The following MTF1 variants were observed in gnomAD, a reference collection of about 807,000 sequenced individuals.
MTF1 encodes MRE-binding transcription factor.
A neutral mutation model predicts 70.4 loss-of-function variants in MTF1; 22 were observed. The ratio of observed to expected loss-of-function variants is 0.31; its 90% CI spans 0.22 to 0.45. The LOEUF (loss-of-function observed/expected upper bound fraction) is 0.45, where lower values mean the gene tolerates loss of function less well. Among genes scored for constraint, MTF1 ranks in the 20% least tolerant of loss-of-function variants. The pLI, the probability that MTF1 is intolerant of heterozygous loss-of-function variation, is 1.00. For missense variants in MTF1, 649 were observed against 922.0 expected (o/e 0.70, Z 3.83); for synonymous variants, 333 against 352.8 (o/e 0.94, Z 0.63).
intron 6 of MTF1, among the ~76,000 whole-genome samples, chr1:37,834,476 T>C (rs901124967): frequency 6.6e-6 from 1 of 152,078 alleles, no homozygotes; most frequent in Non-Finnish European, 1.5e-5. Context: ...TTTTTAAAAA[T>C]CTATAAAATA....
rs757658413 is a variant in MTF1 at position 37,838,614 on chromosome 1, G to C, written c.779+11C>G. 1 of 1,608,700 alleles carries C rather than the reference G, an allele frequency of 6.2e-7. No individual in the cohort carries two copies. Among genetic ancestry groups the C allele is most frequent in the Non-Finnish European group, 8.5e-7 (1 of 1,176,574 alleles). On this transcript the variant is annotated intron_variant, in intron 4 of 10. Coordinates refer to ENST00000373036, the MANE Select transcript of MTF1 (RefSeq NM_005955.3). Reference sequence around the variant, plus strand: ...CCTGGTCAGTGACAAATAGAAAACAGTAAGACCTACCGAAATGGCTTTTCC... The same window carrying C: ...CCTGGTCAGTGACAAATAGAAAACACTAAGACCTACCGAAATGGCTTTTCC...
chr1:37,851,987 A>T (rs150825833), intron 2 of MTF1, among the ~76,000 whole-genome samples: 83 of 152,232 alleles, frequency 5.5e-4, no homozygotes, highest in African/African-American at 2.0e-3. Context: ...ATGATATGTG[A>T]ACAACTGCAC....
At chr1:37,823,920 A>G (rs1027039096) in intron 7 of MTF1, 108 bp from the exon 8 acceptor site, 4 of 782,706 alleles carry the variant, frequency 5.1e-6, no homozygotes, top group Non-Finnish European at 4.3e-6. Context: ...TTTGATATGC[A>G]TTTTGTTTCT....
intron 8 of MTF1, 125 bp from the exon 9 acceptor site, chr1:37,822,841 C>A: frequency 3.1e-6 from 2 of 648,260 alleles, no homozygotes; most frequent in Non-Finnish European, 5.2e-6. Flanking sequence ...TCATAGCTAG[C>A]AGGCCAGCTT....
rs1371544423 is a variant in MTF1, at chr1:37,822,124, T to C, written c.1764A>G (p.Gln588=). The change falls in exon 9 of 11, where the codon CAA becomes CAG. Residue 588 remains glutamine (Q), a synonymous_variant. Coordinates refer to ENST00000373036, the MANE Select transcript of MTF1 (RefSeq NM_005955.3). ...GATSSPQNQE[Q]IQQASKVEKV... is the part of the protein sequence containing the mutation. ...TATATTCATACATAATACTTACAAT[T>C]TGTTCTTGGTTTTGTGGAGAACTGG... 3.8e-6 allele frequency: 6 copies of C among 1,589,364 alleles called. 1 individual carries two copies. The South Asian group carries it at 4.6e-5, about 12-fold the overall frequency.
intron 7 of MTF1, among the ~76,000 whole-genome samples, chr1:37,826,353 C>G (rs943858009): frequency 6.6e-6 from 1 of 152,176 alleles, no homozygotes; most frequent in Admixed American, 6.5e-5. Flanking sequence ...GAGGCGCAGT[C>G]AAGTCACTGC....
In MTF1 at chr1:37,811,816, CCTT is replaced by C. The variant is rs1237434933; in HGVS notation, c.*3317_*3319del. 2 of 152,616 alleles carry C rather than the reference CCTT, an allele frequency of 1.3e-5. No individual in the cohort carries two copies. Among genetic ancestry groups the C allele is most frequent in the South Asian group, 2.1e-4 (1 of 4,834 alleles). The allele number at this position is 152,616 out of a possible 1,614,324, so 9.5% of individuals were successfully genotyped here. A position where few individuals can be genotyped will look rare whatever the true frequency, so the allele number is the denominator to read the frequency against. Reference sequence around the variant, plus strand: ...CCTCCTGGGCTTTGTACCATGATCTCCTTCTAAACGGAGGTGGAATTCAATAAA... The same window carrying C: ...CCTCCTGGGCTTTGTACCATGATCTCCTAAACGGAGGTGGAATTCAATAAA... On this transcript the variant is annotated 3_prime_UTR_variant, in exon 11 of 11. Transcript: ENST00000373036.
At chr1:37,854,305 A>G (rs1641459010) in intron 2 of MTF1, among the ~76,000 whole-genome samples, 1 of 152,166 alleles carries the variant, frequency 6.6e-6, no homozygotes, top group Non-Finnish European at 1.5e-5. Flanking sequence ...CACCATGTCC[A>G]GCCGGGAGAT....
chr1:37,823,657 T>G, intron 8 of MTF1, 53 bp downstream of exon 8: 1 of 1,310,472 alleles, frequency 7.6e-7, no homozygotes, highest in Non-Finnish European at 1.1e-6. Flanking sequence ...TGCCTGTGAC[T>G]CAGTGTGTCA....
intron 7 of MTF1, among the ~76,000 whole-genome samples, 187 bp from the exon 8 acceptor site, chr1:37,823,999 A>G (rs890174859): frequency 5.3e-5 from 8 of 152,168 alleles, no homozygotes; most frequent in Non-Finnish European, 1.2e-4. Context: ...GTCCTCAAAT[A>G]CTTTATTTTT....
intron 2 of MTF1, among the ~76,000 whole-genome samples, chr1:37,851,702 T>C (rs572956648): frequency 6.6e-6 from 1 of 152,312 alleles, no homozygotes; most frequent in East Asian, 1.9e-4. Flanking sequence ...CATTCGCTCA[T>C]GAAACACTTT....
intron 8 of MTF1, among the ~76,000 whole-genome samples, 197 bp from the exon 9 acceptor site, chr1:37,822,913 T>C (rs777467811): frequency 6.6e-6 from 1 of 152,162 alleles, no homozygotes; most frequent in Non-Finnish European, 1.5e-5. Context: ...TCAACCTCAC[T>C]TCCTAAATGT....
Position 37,857,296 on chromosome 1 carries a change from T to G in MTF1, c.363A>C (p.Ala121=). 6.2e-7 allele frequency: 1 copy of G among 1,614,228 alleles called. No individual in the cohort carries two copies. The highest frequency in any genetic ancestry group is 8.5e-7 in the Non-Finnish European group (1 of 1,180,034). ...STPMPRNIEG[A]TLTLQSECPE... is the part of the protein sequence containing the mutation. ...GACATTCCGACTGCAGAGTGAGGGT[T>G]GCACCTTCAATATTTCTTGGCATGG... is the stretch of plus-strand genomic sequence containing the variant. The change falls in exon 2 of 11, where the codon GCA becomes GCC. Residue 121 remains alanine (A), a synonymous_variant. Coordinates refer to ENST00000373036, the MANE Select transcript of MTF1 (RefSeq NM_005955.3).
chr1:37,815,392 G>A lies in MTF1; in HGVS notation c.2006C>T (p.Pro669Leu), dbSNP rs747948891. 3 of 1,614,158 alleles carry A rather than the reference G, an allele frequency of 1.9e-6. No individual in the cohort carries two copies. In the South Asian group the frequency reaches 3.3e-5, roughly 18 times the overall value. Residue 669 changes from proline to leucine, a missense_variant, in exon 11 of 11, where the codon CCC becomes CTC. By Grantham distance (98) the Pro-to-Leu change is moderately conservative (BLOSUM62 -3). Transcript: ENST00000373036. This position sits in a 1 kb window ranked among gnomAD's most constrained non-coding sequence, Gnocchi z 4.5. ...PEPSPQAPDG[P>L]SLQLPAQTFS... is the part of the protein sequence containing the mutation. ...AGTCTGCGCTGGGAGCTGCAGGCTG[G>A]GCCCATCAGGAGCCTGGGGGCTCGG...
In MTF1 at chr1:37,822,728, AAGAAAT is replaced by A. The variant is rs1371401048; in HGVS notation, c.1172-18_1172-13del. 6.3e-7 allele frequency: 1 copy of A among 1,577,822 alleles called. No homozygotes were observed. The highest frequency in any genetic ancestry group is 1.7e-5 in the Admixed American group (1 of 59,670). On this transcript the variant is annotated splice_polypyrimidine_tract_variant and intron_variant, in intron 8 of 10. Coordinates refer to ENST00000373036, the MANE Select transcript of MTF1 (RefSeq NM_005955.3). ...TTCAGTCAAGGAAGCTGGCAAGAAA[AAGAAAT>A]AGAAATATATATACATATCCCAAGC...
In MTF1 at chr1:37,857,601, G is replaced by A. The variant is rs747874360; in HGVS notation, c.58C>T (p.Leu20=). 1.9e-6 allele frequency: 3 copies of A among 1,614,150 alleles called. No individual in the cohort carries two copies. The highest frequency in any genetic ancestry group is 2.2e-5 in the South Asian group (2 of 91,078). Residue 20 remains leucine (L), a synonymous_variant, in exon 2 of 11, where the codon CTG becomes TTG. Transcript: ENST00000373036. ...IIYFEAEEDE[L]TPDDKMLRFV... ...CTGAGCATTTTATCATCGGGGGTCA[G>A]CTCATCTTCCTCTGCCTCAAAGTAG...
Position 37,840,264 on chromosome 1 carries a change from G to T in MTF1, c.409-106C>A. On this transcript the variant is annotated intron_variant, in intron 2 of 10. Transcript: ENST00000373036. This position sits in a 1 kb window ranked among gnomAD's most constrained non-coding sequence, Gnocchi z 4.5. ...AGAGATGCTGTGGACAATACAACTGGGTTTTCATCATAAACACAGAAAACA... is the reference window on the plus strand; with the variant it reads ...AGAGATGCTGTGGACAATACAACTGTGTTTTCATCATAAACACAGAAAACA... 1 of 1,011,204 alleles carries T rather than the reference G, an allele frequency of 9.9e-7. No individual in the cohort carries two copies. Among genetic ancestry groups the T allele is most frequent in the Non-Finnish European group, 1.5e-6 (1 of 667,308 alleles). 62.6% of individuals were successfully genotyped at this position (1,011,204 alleles called of 1,614,324 possible). A position where few individuals can be genotyped will look rare whatever the true frequency, so the allele number is the denominator to read the frequency against.
At chr1:37,833,787 A>G (rs1475939111) in intron 6 of MTF1, among the ~76,000 whole-genome samples, 2 of 151,894 alleles carry the variant, frequency 1.3e-5, no homozygotes, top group Non-Finnish European at 2.9e-5. Context: ...TTGAGTAGAG[A>G]GTGAAGGAAA....
chr1:37,852,927 G>C (rs1641438122), intron 2 of MTF1, among the ~76,000 whole-genome samples: 1 of 152,106 alleles, frequency 6.6e-6, no homozygotes, highest in South Asian at 2.1e-4. Flanking sequence ...CACTGTGCCT[G>C]GCCTATTCAA....
Sources: allele counts gnomAD v4.1 joint callset (sites outside exome capture counted in the v4.1 genomes callset), GRCh38; gene constraint gnomAD v4.1.1; non-coding constraint Gnocchi (gnomAD v3.1); transcripts MANE v1.5; gene names NCBI Gene and HGNC (gene_info 2026-07-23, HGNC 2026-07-21).